The following CASQ2 variants were observed in gnomAD, a reference collection of about 807,000 sequenced individuals.
CASQ2 encodes calsequestrin-2.
Under a neutral mutation model 46.5 loss-of-function variants are expected in CASQ2, and 49 were observed. The ratio of observed to expected loss-of-function variants is 1.05; its 90% CI spans 0.84 to 1.34. CASQ2 has a LOEUF of 1.34. CASQ2 is among the 40% of genes most tolerant of loss of function. The pLI is 0.00. For missense variants in CASQ2, 486 were observed against 481.3 expected (o/e 1.01, Z -0.09); for synonymous variants, 174 against 168.5 (o/e 1.03, Z -0.25).
intron 5 of CASQ2, among the ~76,000 whole-genome samples, chr1:115,730,699 C>T (rs998112106): frequency 2.7e-5 from 4 of 150,604 alleles, no homozygotes; most frequent in African/African-American, 9.8e-5. Flanking sequence ...TATTTTGAGG[C>T]CTTCTCTCAT....
chr1:115,705,515 G>A (rs1654332369), intron 8 of CASQ2, among the ~76,000 whole-genome samples: 1 of 152,202 alleles, frequency 6.6e-6, no homozygotes, highest in Admixed American at 6.5e-5. Context: ...AGTTCACAGA[G>A]AACTGGCTGG....
intron 1 of CASQ2, among the ~76,000 whole-genome samples, chr1:115,763,430 A>G (rs946221206): frequency 1.3e-5 from 2 of 152,056 alleles, no homozygotes; most frequent in African/African-American, 4.8e-5. Context: ...AGAGAGGAGG[A>G]GTGAATAAGC....
At chr1:115,708,698 C>T (rs2101059457) in intron 8 of CASQ2, among the ~76,000 whole-genome samples, 1 of 152,318 alleles carries the variant, frequency 6.6e-6, no homozygotes, top group South Asian at 2.1e-4. Flanking sequence ...AATTACCTGA[C>T]ATTCTATATT....
chr1:115,743,010 G>A (rs987434333), intron 2 of CASQ2, among the ~76,000 whole-genome samples: 2 of 151,814 alleles, frequency 1.3e-5, no homozygotes, highest in African/African-American at 2.4e-5. Flanking sequence ...GGATGGTCTC[G>A]ATCTCCTGAC....
chr1:115,702,078 A>G (rs1049591591), intron 10 of CASQ2, among the ~76,000 whole-genome samples: 36 of 152,170 alleles, frequency 2.4e-4, no homozygotes, highest in Admixed American at 9.8e-4. Context: ...ACCCATGACC[A>G]TGCCTGGCTA....
chr1:115,744,106 G>A (rs1054298707), intron 2 of CASQ2, among the ~76,000 whole-genome samples: 8 of 149,846 alleles, frequency 5.3e-5, no homozygotes, highest in East Asian at 2.0e-4. Flanking sequence ...ATCACATCAC[G>A]GCACTCCAGC....
Position 115,701,836 on chromosome 1 carries a change from G to C in CASQ2, c.1015-410C>G, listed in dbSNP as rs145239815. ...ATGTATTATTATTAATTTTAAAGTA[G>C]CTTACAAAATAAATGAATGTAGAGT... On this transcript the variant is annotated intron_variant, in intron 10 of 10. Transcript: ENST00000261448. Among the ~76,000 whole-genome samples, 445 of 152,258 alleles carry C rather than the reference G, an allele frequency of 2.9e-3. 4 individuals carry two copies. The highest frequency in any genetic ancestry group is 0.01 in the African/African-American group (429 of 41,546).
intron 1 of CASQ2, among the ~76,000 whole-genome samples, chr1:115,752,515 A>G (rs1443431046): frequency 6.6e-6 from 1 of 152,138 alleles, no homozygotes; most frequent in African/African-American, 2.4e-5. Flanking sequence ...AACTTGGAGG[A>G]GGAGTGTGTG....
chr1:115,729,494 G>A (rs975911900), intron 5 of CASQ2, among the ~76,000 whole-genome samples: 3 of 152,108 alleles, frequency 2.0e-5, no homozygotes, highest in Admixed American at 6.6e-5. Context: ...GAGGAGATCT[G>A]GTTCATGGGT....
At chr1:115,710,107 G>A (rs1308138810) in intron 8 of CASQ2, among the ~76,000 whole-genome samples, 1 of 152,188 alleles carries the variant, frequency 6.6e-6, no homozygotes, top group Non-Finnish European at 1.5e-5. Context: ...GCCTCCCAGA[G>A]TACTGGGATT....
At chr1:115,730,269 T>C (rs1321232518) in intron 5 of CASQ2, among the ~76,000 whole-genome samples, 1 of 152,228 alleles carries the variant, frequency 6.6e-6, no homozygotes, top group Non-Finnish European at 1.5e-5. Flanking sequence ...TGGGAACTAC[T>C]GACTGACAAA....
At chr1:115,736,661 A>AAC (rs1647974853) in intron 4 of CASQ2, among the ~76,000 whole-genome samples, 1 of 152,158 alleles carries the variant, frequency 6.6e-6, no homozygotes, top group Non-Finnish European at 1.5e-5. Flanking sequence ...TTCTTGAGGC[A>AAC]AGCATAAGAT....
rs11347859 is a variant in CASQ2, at chr1:115,700,223, AT to A, written c.*1017del. On this transcript the variant is annotated 3_prime_UTR_variant, in exon 11 of 11. Transcript: ENST00000261448. ...TAGACAGCTCAGAAGGCACTTTGGG[AT>A]TTTTTTTTTTTTCAGTGCCTCAGGG... 0.31 allele frequency: 45,724 copies of A among 148,146 alleles called. 6,963 individuals carry two copies. The highest frequency in any genetic ancestry group is 0.39 in the South Asian group (1,828 of 4,694). 9.2% of individuals were successfully genotyped at this position (148,146 alleles called of 1,614,324 possible).
intron 4 of CASQ2, among the ~76,000 whole-genome samples, chr1:115,737,357 A>G (rs1648000163): frequency 6.6e-6 from 1 of 152,146 alleles, no homozygotes; most frequent in African/African-American, 2.4e-5. Context: ...TGGTTAAAGA[A>G]ATGGGTTTGC....
At chr1:115,743,665 A>G (rs9428084) in intron 2 of CASQ2, among the ~76,000 whole-genome samples, 107,545 of 151,236 alleles carry the variant, frequency 0.71, 41,961 homozygotes, top group Non-Finnish European at 0.88. Context: ...TGTACCTGAA[A>G]GTATTCACTG....
intron 8 of CASQ2, among the ~76,000 whole-genome samples, chr1:115,706,602 G>A (rs546174004): frequency 6.6e-6 from 1 of 152,198 alleles, no homozygotes; most frequent in African/African-American, 2.4e-5. Context: ...TGAAATTTAG[G>A]TTCAGTTCTA....
intron 7 of CASQ2, among the ~76,000 whole-genome samples, chr1:115,724,073 C>T (rs1318878898): frequency 6.6e-6 from 1 of 152,148 alleles, no homozygotes; most frequent in African/African-American, 2.4e-5. Flanking sequence ...CAGATAAATA[C>T]TTCCGTGTTA....
intron 8 of CASQ2, among the ~76,000 whole-genome samples, chr1:115,715,525 G>C (rs1418323212): frequency 1.3e-5 from 2 of 152,152 alleles, no homozygotes; most frequent in African/African-American, 4.8e-5. Flanking sequence ...AGAGATAGTA[G>C]GTAATTCCTG....
At chr1:115,745,462 AG>A (rs1247799232) in intron 1 of CASQ2, among the ~76,000 whole-genome samples, 2 of 152,170 alleles carry the variant, frequency 1.3e-5, no homozygotes, top group African/African-American at 4.8e-5. Context: ...TGAGACTAGT[AG>A]AGTATCGGGG....
Sources: allele counts gnomAD v4.1 joint callset (sites outside exome capture counted in the v4.1 genomes callset), GRCh38; gene constraint gnomAD v4.1.1; transcripts MANE v1.5; gene names NCBI Gene and HGNC (gene_info 2026-07-23, HGNC 2026-07-21).